The following VPS13B variants were observed in gnomAD, a reference collection of about 807,000 sequenced individuals.
The protein encoded by VPS13B is intermembrane lipid transfer protein VPS13B.
Under a neutral mutation model 426.4 loss-of-function variants are expected in VPS13B, and 285 were observed. The ratio of observed to expected loss-of-function variants is 0.67; its 90% CI spans 0.61 to 0.74. The LOEUF (loss-of-function observed/expected upper bound fraction) is 0.74. Among genes scored for constraint, VPS13B ranks in the 30% least tolerant of loss-of-function variants. VPS13B has a pLI of 0.00. For missense variants in VPS13B, 4,537 were observed against 4,782.6 expected (o/e 0.95, Z 1.51); for synonymous variants, 1,676 against 1,676.4 (o/e 1.00, Z 0.01).
At chr8:99,668,190 A>G (rs1830562098) in intron 35 of VPS13B, among the ~76,000 whole-genome samples, 1 of 151,922 alleles carries the variant, frequency 6.6e-6, no homozygotes, top group Non-Finnish European at 1.5e-5. Flanking sequence ...AGTAACAATG[A>G]AAGTTATGAC....
intron 17 of VPS13B, chr8:99,233,053 T>C: frequency 7.9e-7 from 1 of 1,260,898 alleles, no homozygotes. Flanking sequence ...GAGGCCTCAC[T>C]TGCTGCGCTG....
At chr8:99,745,584 G>A (rs1810039797) in intron 39 of VPS13B, among the ~76,000 whole-genome samples, 1 of 152,052 alleles carries the variant, frequency 6.6e-6, no homozygotes, top group South Asian at 2.1e-4. Flanking sequence ...CATATATAGT[G>A]TGTATATATA....
chr8:99,344,450 T>C (rs1298853676), intron 19 of VPS13B, among the ~76,000 whole-genome samples: 1 of 152,240 alleles, frequency 6.6e-6, no homozygotes, highest in African/African-American at 2.4e-5. Context: ...TATACTTAGG[T>C]TGAAATTGCT....
intron 3 of VPS13B, among the ~76,000 whole-genome samples, chr8:99,056,154 T>C (rs1843840363): frequency 6.6e-6 from 1 of 152,000 alleles, no homozygotes; most frequent in Admixed American, 6.6e-5. Flanking sequence ...TCTCCCAGGC[T>C]TAAGTGATCC....
intron 21 of VPS13B, among the ~76,000 whole-genome samples, chr8:99,406,808 G>T (rs186311438): frequency 1.2e-3 from 187 of 152,274 alleles, no homozygotes; most frequent in Non-Finnish European, 1.8e-3. Context: ...GAGAACTGAG[G>T]AAAATTGAGT....
chr8:99,548,422 A>C (rs1563790162), intron 30 of VPS13B, among the ~76,000 whole-genome samples: 2 of 152,028 alleles, frequency 1.3e-5, no homozygotes, highest in Non-Finnish European at 2.9e-5. Context: ...AAAAACTTTA[A>C]AAAAACTCTA....
At chr8:99,666,802 T>C (rs1380424880) in intron 35 of VPS13B, among the ~76,000 whole-genome samples, 1 of 152,142 alleles carries the variant, frequency 6.6e-6, no homozygotes, top group Non-Finnish European at 1.5e-5. Flanking sequence ...TTGGAAGTTC[T>C]GGCCAGGGCA....
intron 4 of VPS13B, among the ~76,000 whole-genome samples, chr8:99,100,111 T>C (rs1357800403): frequency 6.6e-6 from 1 of 152,134 alleles, no homozygotes; most frequent in African/African-American, 2.4e-5. Flanking sequence ...ATAGAGACGG[T>C]TTGTCATTTA....
At chr8:99,325,125 T>C (rs985710514) in intron 19 of VPS13B, among the ~76,000 whole-genome samples, 1 of 152,066 alleles carries the variant, frequency 6.6e-6, no homozygotes, top group Non-Finnish European at 1.5e-5. Context: ...TTCTCTTCTT[T>C]AAGAAAAAAA....
intron 35 of VPS13B, among the ~76,000 whole-genome samples, chr8:99,664,465 C>A (rs1830379902): frequency 6.6e-6 from 1 of 152,062 alleles, no homozygotes; most frequent in Non-Finnish European, 1.5e-5. Context: ...TATCCCTCCC[C>A]CTGACCCCCA....
At position 99,720,405 on chromosome 8, in the gene VPS13B, T is replaced by C; in HGVS notation, c.6718T>C (p.Tyr2240His). 6.2e-7 allele frequency: 1 copy of C among 1,613,978 alleles called. No homozygotes were observed. The highest frequency in any genetic ancestry group is 8.5e-7 in the Non-Finnish European group (1 of 1,179,928). Reference sequence around the variant, plus strand: ...TCTTCTACATGAATTACTCAATGGATACCTTAATGAGGAGGGAAATTTTGA... The same window carrying C: ...TCTTCTACATGAATTACTCAATGGACACCTTAATGAGGAGGGAAATTTTGA... ...LVLLHELLNGYLNEEGNFEVQ... is the reference protein window; with the variant it reads ...LVLLHELLNGHLNEEGNFEVQ... Residue 2240 changes from tyrosine (Y) to histidine (H), a missense_variant, in exon 38 of 62, where the codon TAC (tyrosine) becomes CAC (histidine). Transcript: ENST00000357162.
chr8:99,742,307 A>C (rs1809781374), intron 39 of VPS13B, among the ~76,000 whole-genome samples: 1 of 152,216 alleles, frequency 6.6e-6, no homozygotes, highest in South Asian at 2.1e-4. Context: ...GACCAATAAC[A>C]GGCTCTGAAA....
chr8:99,427,501 C>T (rs1816790452), intron 21 of VPS13B, among the ~76,000 whole-genome samples: 1 of 151,540 alleles, frequency 6.6e-6, no homozygotes, highest in African/African-American at 2.4e-5. Flanking sequence ...AACAGACAAA[C>T]AGAGAGTCAA....
intron 4 of VPS13B, among the ~76,000 whole-genome samples, chr8:99,096,877 G>T (rs561432620): frequency 1.3e-5 from 2 of 151,968 alleles, no homozygotes; most frequent in Non-Finnish European, 2.9e-5. Context: ...GAACAAATTG[G>T]GTCCTGGGAT....
chr8:99,063,689 CTCTG>C (rs1563515832), intron 3 of VPS13B, among the ~76,000 whole-genome samples: 1 of 152,244 alleles, frequency 6.6e-6, no homozygotes, highest in African/African-American at 2.4e-5. Context: ...ACTTAAACGT[CTCTG>C]TCTGACAGCT....
chr8:99,556,741 C>G, intron 31 of VPS13B, 88 bp downstream of exon 31: 1 of 1,409,544 alleles, frequency 7.1e-7, no homozygotes, highest in Non-Finnish European at 9.9e-7. Context: ...GTCCAACCAA[C>G]CTAAGTATTT....
At chr8:99,630,984 GAAA>G (rs1563834008) in intron 33 of VPS13B, among the ~76,000 whole-genome samples, 2 of 151,964 alleles carry the variant, frequency 1.3e-5, no homozygotes, top group African/African-American at 2.4e-5. Flanking sequence ...CTTTTGAGAA[GAAA>G]AAAATGTAAA....
chr8:99,233,111 G>A (rs1816436569), intron 17 of VPS13B: 1 of 1,371,488 alleles, frequency 7.3e-7, no homozygotes, highest in Non-Finnish European at 1.0e-6. Flanking sequence ...TTCACCTCTT[G>A]TACAGTTTCC....
At chr8:99,281,451 A>G (rs1819166953) in intron 19 of VPS13B, among the ~76,000 whole-genome samples, 1 of 152,240 alleles carries the variant, frequency 6.6e-6, no homozygotes, top group South Asian at 2.1e-4. Flanking sequence ...GACAAGTATC[A>G]TGTCTCATTC....
Sources: allele counts gnomAD v4.1 joint callset (sites outside exome capture counted in the v4.1 genomes callset), GRCh38; gene constraint gnomAD v4.1.1; transcripts MANE v1.5; gene names NCBI Gene and HGNC (gene_info 2026-07-23, HGNC 2026-07-21).